The following PHF2 variants were observed in gnomAD, a reference collection of about 807,000 sequenced individuals.
PHF2 encodes lysine-specific demethylase PHF2.
Under a neutral mutation model 120.5 loss-of-function variants are expected in PHF2, and 27 were observed. That is an observed-to-expected ratio of 0.22 (90% CI 0.17 to 0.31). PHF2 has a LOEUF of 0.31. Ranked by LOEUF, PHF2 falls within the 10% of genes least tolerant of loss-of-function variation. PHF2 has a pLI of 1.00. For missense variants in PHF2, 1,024 were observed against 1,434.8 expected (o/e 0.71, Z 4.63); for synonymous variants, 568 against 592.5 (o/e 0.96, Z 0.60).
rs770393542 is a variant in PHF2, at chr9:93,576,907, C to A, written c.98+36C>A. 4.3e-6 allele frequency: 4 copies of A among 924,248 alleles called. No individual in the cohort carries two copies. The African/African-American group carries it at 5.3e-5, about 12-fold the overall frequency. 57.3% of individuals were successfully genotyped at this position (924,248 alleles called of 1,614,324 possible). On this transcript the variant is annotated intron_variant, in intron 1 of 21. Transcript: ENST00000359246. The stretch of plus-strand genomic sequence containing the variant: ...GGCGGCTGCTCGGCTCGGCCCGGCC[C>A]GGCCCGGCCACCTTGCCCGACCGAG...
At chr9:93,627,786 A>G (rs1233942286) in intron 1 of PHF2, among the ~76,000 whole-genome samples, 4 of 152,124 alleles carry the variant, frequency 2.6e-5, no homozygotes, top group Admixed American at 6.5e-5. Flanking sequence ...TTGTGTTAAT[A>G]TGGTGTAATG....
intron 1 of PHF2, among the ~76,000 whole-genome samples, chr9:93,603,304 C>T (rs536345462): frequency 6.6e-6 from 1 of 152,314 alleles, no homozygotes; most frequent in East Asian, 1.9e-4. Flanking sequence ...CTGCACGCTG[C>T]CCTCCCGACC....
intron 3 of PHF2, among the ~76,000 whole-genome samples, chr9:93,644,327 C>T (rs1564392292): frequency 6.7e-6 from 1 of 149,044 alleles, no homozygotes; most frequent in South Asian, 2.1e-4. Context: ...GCAGAGGTTG[C>T]GGTGAGCCAA....
At chr9:93,598,002 G>A (rs1324906143) in intron 1 of PHF2, among the ~76,000 whole-genome samples, 1 of 152,190 alleles carries the variant, frequency 6.6e-6, no homozygotes, top group African/African-American at 2.4e-5. Context: ...CACATTGGGG[G>A]CACCTCTGCC....
rs34776405 is a variant in PHF2 at position 93,583,575 on chromosome 9, A to ATT, written c.98+6714_98+6715dup. 2.1e-3 allele frequency among the ~76,000 whole-genome samples: 320 copies of ATT among 149,996 alleles called. 1 individual carries two copies. The highest frequency in any genetic ancestry group is 7.1e-3 in the African/African-American group (290 of 40,982). On this transcript the variant is annotated intron_variant, in intron 1 of 21. Coordinates refer to ENST00000359246, the MANE Select transcript of PHF2 (RefSeq NM_005392.4). ...ATCCTCACCAACACTTGTTTTCCTAATTTTTTTTTTTAAATTAAAGCTATT... is the reference window on the plus strand; with the variant it reads ...ATCCTCACCAACACTTGTTTTCCTAATTTTTTTTTTTTTAAATTAAAGCTATT...
Position 93,676,622 on chromosome 9 carries a change from G to A in PHF2, c.2861G>A (p.Ser954Asn). 1 of 1,604,256 alleles carries A rather than the reference G, an allele frequency of 6.2e-7. No homozygotes were observed. The highest frequency in any genetic ancestry group is 8.5e-7 in the Non-Finnish European group (1 of 1,173,178). Reference protein sequence around the residue: ...QEEQKSKKKKSAKRKLTPNTT... With the variant: ...QEEQKSKKKKNAKRKLTPNTT... ...GAGCAGAAAAGCAAGAAAAAAAAGA[G>A]TGCCAAGAGGAAGCTGACTCCTAAC... The change falls in exon 21 of 22, where the codon AGT becomes AAT. Residue 954 changes from serine to asparagine, a missense_variant. Physicochemically the swap from Ser to Asn is conservative, Grantham distance 46 (BLOSUM62 1). This residue lies in a region of PHF2 where 677 missense variants were observed against 857.4 expected (regional missense o/e 0.79). Coordinates refer to ENST00000359246, the MANE Select transcript of PHF2 (RefSeq NM_005392.4).
intron 17 of PHF2, among the ~76,000 whole-genome samples, chr9:93,668,855 G>A (rs1430605551): frequency 1.3e-5 from 2 of 152,252 alleles, no homozygotes; most frequent in Admixed American, 6.5e-5. Flanking sequence ...GCTGCAGGCA[G>A]TTCCTCTCCC....
At chr9:93,675,620 C>G in intron 19 of PHF2, 60 bp from the exon 20 acceptor site, 2 of 1,369,550 alleles carry the variant, frequency 1.5e-6, no homozygotes, top group African/African-American at 1.4e-5. Context: ...AGCCCCAAAC[C>G]AGGAGGGGTG....
chr9:93,662,600 T>C (rs1351107065), intron 12 of PHF2, among the ~76,000 whole-genome samples: 2 of 150,876 alleles, frequency 1.3e-5, no homozygotes, highest in Non-Finnish European at 3.0e-5. Context: ...CATGGATGGA[T>C]GAATGAACGA....
chr9:93,608,322 CATA>C lies in PHF2; in HGVS notation c.99-21636_99-21634del, dbSNP rs200553405. Reference sequence around the variant, plus strand: ...TGGGCAATAGATTGAGACACTGTCTCATAATAATAATAATTATTATTTTTGTAC... The same window carrying C: ...TGGGCAATAGATTGAGACACTGTCTCATAATAATAATTATTATTTTTGTAC... On this transcript the variant is annotated intron_variant, in intron 1 of 21. Transcript: ENST00000359246. Among the ~76,000 whole-genome samples, 8 of 131,050 alleles carry C rather than the reference CATA, an allele frequency of 6.1e-5. No homozygotes were observed. The South Asian group carries it at 1.3e-3, about 21-fold the overall frequency. 86.0% of individuals were successfully genotyped at this position (131,050 alleles called of 152,430 possible). A position where few individuals can be genotyped will look rare whatever the true frequency, so the allele number is the denominator to read the frequency against.
chr9:93,579,110 GCCCTGGGCAAATC>G (rs1437057310), intron 1 of PHF2, among the ~76,000 whole-genome samples: 1 of 152,182 alleles, frequency 6.6e-6, no homozygotes, highest in Non-Finnish European at 1.5e-5. Flanking sequence ...AGCTCTCACA[GCCCTGGGCAAATC>G]CTTTGGTCTC....
Position 93,677,502 on chromosome 9 carries a change from G to A in PHF2, c.3203-86G>A. On this transcript the variant is annotated intron_variant, in intron 21 of 21. Coordinates refer to ENST00000359246, the MANE Select transcript of PHF2 (RefSeq NM_005392.4). The surrounding 1 kb of genome is among the most constrained non-coding windows in gnomAD (Gnocchi z 4.4). ...GACTGCAGGCTGCCCCTTAGTGTCA[G>A]CGGGACCCTCCCCCCCACCGGCATG... The A allele has an allele frequency of 2.1e-6, 2 of 973,096 alleles. No homozygotes were observed. Among genetic ancestry groups the A allele is most frequent in the Non-Finnish European group, 3.3e-6 (2 of 614,638 alleles). 60.3% of individuals were successfully genotyped at this position (973,096 alleles called of 1,614,324 possible).
In PHF2 at chr9:93,645,856, G is replaced by A. The variant is rs1826249368; in HGVS notation, c.460+67G>A. On this transcript the variant is annotated intron_variant, in intron 4 of 21. Transcript: ENST00000359246. ...GGAGTGCTGGGACACCCACCACTGT[G>A]CATGCTGTTTCCCCACGCCCTGGCT... 3 of 1,483,648 alleles carry A rather than the reference G, an allele frequency of 2.0e-6. No individual in the cohort carries two copies. The African/African-American group carries it at 4.2e-5, about 21-fold the overall frequency. The allele number at this position is 1,483,648 out of a possible 1,614,324, so 91.9% of individuals were successfully genotyped here.
chr9:93,596,925 A>ATT (rs1158735768), intron 1 of PHF2, among the ~76,000 whole-genome samples: 13 of 88,506 alleles, frequency 1.5e-4, no homozygotes, highest in African/African-American at 4.7e-4. Flanking sequence ...CGCCCAGCTA[A>ATT]TTTTTTTTTT....
intron 1 of PHF2, among the ~76,000 whole-genome samples, chr9:93,616,649 TA>T (rs1432599534): frequency 8.3e-6 from 1 of 120,860 alleles, no homozygotes. Context: ...GTTTCTCCTA[TA>T]ATTTTTTTTT....
chr9:93,660,607 G>A, intron 12 of PHF2, 47 bp downstream of exon 12: 1 of 1,491,940 alleles, frequency 6.7e-7, no homozygotes, highest in Non-Finnish European at 8.9e-7. Flanking sequence ...CAGAGGTGCT[G>A]CAGCATCTCT....
intron 1 of PHF2, among the ~76,000 whole-genome samples, chr9:93,613,304 C>T (rs1825668613): frequency 6.6e-6 from 1 of 152,222 alleles, no homozygotes; most frequent in African/African-American, 2.4e-5. Flanking sequence ...AAGATGCCTG[C>T]AGGAAGGCAG....
At chr9:93,580,857 G>C (rs1402963677) in intron 1 of PHF2, among the ~76,000 whole-genome samples, 1 of 152,190 alleles carries the variant, frequency 6.6e-6, no homozygotes, top group African/African-American at 2.4e-5. Flanking sequence ...TGGAGGGGGA[G>C]TGTCTCAGCA....
At position 93,629,961 on chromosome 9, in the gene PHF2, TC is replaced by T; in HGVS notation, c.99-8del. 1 of 1,614,002 alleles carries T rather than the reference TC, an allele frequency of 6.2e-7. No homozygotes were observed. Among genetic ancestry groups the T allele is most frequent in the Non-Finnish European group, 8.5e-7 (1 of 1,179,908 alleles). On this transcript the variant is annotated splice_region_variant and splice_polypyrimidine_tract_variant and intron_variant, in intron 1 of 21. Transcript: ENST00000359246. ...TGCCTAGGTAATGGTCTATTTCGTC[TC>T]GTTTCAGCTGTGTTGGGGTGGAAGA...
Sources: gnomAD v4.1 joint callset for allele counts (sites outside exome capture counted in the v4.1 genomes callset) on GRCh38, gnomAD v4.1.1 for gene constraint, gnomAD v4.1.1 regional missense constraint, Gnocchi (gnomAD v3.1) non-coding constraint, MANE v1.5 for transcripts, NCBI Gene and HGNC (gene_info 2026-07-23, HGNC 2026-07-21) for gene names.